Variants in CADPS observed in about 807,000 individuals in gnomAD.
The protein encoded by CADPS is calcium dependent secretion activator, also known as calcium-dependent secretion activator 1.
Under a neutral mutation model 167.3 loss-of-function variants are expected in CADPS, and 57 were observed. The observed-to-expected ratio is 0.34, with a 90% CI of 0.28 to 0.42. The LOEUF is 0.42. Ranked by LOEUF, CADPS falls within the 20% of genes least tolerant of loss-of-function variation. CADPS has a pLI of 1.00. For missense variants in CADPS, 1,414 were observed against 1,738.1 expected, an observed-to-expected ratio of 0.81 and a Z score of 3.32; for synonymous variants, 676 against 635.3, an observed-to-expected ratio of 1.06 and a Z score of -0.96.
intron 6 of CADPS, among the ~76,000 whole-genome samples, chr3:62,612,834 A>G (rs1444318870): frequency 6.6e-6 from 1 of 152,164 alleles, no homozygotes; most frequent in Non-Finnish European, 1.5e-5. Context: ...CCATTCATCC[A>G]TTCACCCACC....
chr3:62,537,856 C>A (rs2075006434), intron 11 of CADPS, among the ~76,000 whole-genome samples: 1 of 151,932 alleles, frequency 6.6e-6, no homozygotes, highest in African/African-American at 2.4e-5. Context: ...TCATTCAAAC[C>A]TAAATCCATG....
At chr3:62,591,867 A>T (rs1259926834) in intron 7 of CADPS, among the ~76,000 whole-genome samples, 1 of 152,158 alleles carries the variant, frequency 6.6e-6, no homozygotes, top group South Asian at 2.1e-4. Context: ...GAATGACATG[A>T]TGCTCCTTAG....
intron 6 of CADPS, among the ~76,000 whole-genome samples, chr3:62,632,344 T>C (rs753828164): frequency 9.2e-5 from 14 of 152,282 alleles, no homozygotes; most frequent in South Asian, 6.2e-4. Context: ...CAGAAAAACA[T>C]AAAATATTAT....
chr3:62,723,197 A>C (rs952358639), intron 3 of CADPS, among the ~76,000 whole-genome samples: 1 of 152,226 alleles, frequency 6.6e-6, no homozygotes, highest in African/African-American at 2.4e-5. Flanking sequence ...CCTTTAGCTA[A>C]GATGAAAAAC....
Position 62,481,845 on chromosome 3 carries a change from A to G in CADPS, c.3051T>C (p.Asn1017=), listed in dbSNP as rs1052794026. Residue 1017 remains asparagine (N), a synonymous_variant, in exon 22 of 30, where the codon AAT becomes AAC. Transcript: ENST00000383710. ...GAAGGTTCACATTGGGTAGGTTCACATTGGGTAGGTTACTGGTTAAACTCC... is the reference window on the plus strand; with the variant it reads ...GAAGGTTCACATTGGGTAGGTTCACGTTGGGTAGGTTACTGGTTAAACTCC... ...PVKSLTSNLP[N]VNLPNVNLPK... is the part of the protein sequence containing the mutation. 2 of 1,611,618 alleles carry G rather than the reference A, an allele frequency of 1.2e-6. No individual in the cohort carries two copies. The highest frequency in any genetic ancestry group is 1.7e-6 in the Non-Finnish European group (2 of 1,179,098).
intron 3 of CADPS, among the ~76,000 whole-genome samples, chr3:62,726,438 T>C (rs1161679736): frequency 1.3e-5 from 2 of 151,900 alleles, no homozygotes; most frequent in African/African-American, 4.9e-5. Flanking sequence ...TTGGACTGAA[T>C]GAAAACAACC....
rs541776478 is a variant in CADPS, at chr3:62,802,294, C to T, written c.442-36310G>A. The stretch of plus-strand genomic sequence containing the variant: ...TCTCATGAGTTTCTTGAAATATTGT[C>T]CAAAAATTCTGCACCTACAAAACCA... On this transcript the variant is annotated intron_variant, in intron 1 of 29. Coordinates refer to ENST00000383710, the MANE Select transcript of CADPS (RefSeq NM_003716.4). Among the ~76,000 whole-genome samples, 6 of 152,236 alleles carry T rather than the reference C, an allele frequency of 3.9e-5. No homozygotes were observed. The East Asian group carries it at 9.7e-4, about 25-fold the overall frequency.
At chr3:62,485,711 A>T (rs1379498865) in intron 21 of CADPS, among the ~76,000 whole-genome samples, 1 of 152,204 alleles carries the variant, frequency 6.6e-6, no homozygotes, top group Non-Finnish European at 1.5e-5. Flanking sequence ...CAATTAATCA[A>T]CAAACATTTA....
chr3:62,729,262 A>T lies in CADPS; in HGVS notation c.888+24179T>A, dbSNP rs539142. Among the ~76,000 whole-genome samples, 45 of 151,630 alleles carry T rather than the reference A, an allele frequency of 3.0e-4. 1 individual carries two copies. The highest frequency in any genetic ancestry group is 1.0e-3 in the African/African-American group (41 of 41,024). On this transcript the variant is annotated intron_variant, in intron 3 of 29. Transcript: ENST00000383710. ...TTTACTTGTTTCTCTGAGCATGATC[A>T]CCCTCATAATGGAATGACTAAGGGC...
At position 62,403,096 on chromosome 3, in the gene CADPS, T is replaced by G. The variant is rs746003346; in HGVS notation, c.3867A>C (p.Leu1289=). ...TTTCTTTTACCTTTACCATCCTAAT[T>G]AGTGTTTTCAACTGATAAATATGAA... ...LQLHIYQLKT[L]IRMVKKTYRD... Residue 1289 remains leucine, a synonymous_variant, in exon 29 of 30, where the codon CTA becomes CTC. Transcript: ENST00000383710. 6 of 1,600,786 alleles carry G rather than the reference T, an allele frequency of 3.7e-6. No individual in the cohort carries two copies. The highest frequency in any genetic ancestry group is 5.1e-6 in the Non-Finnish European group (6 of 1,168,218).
At chr3:62,792,437 C>T (rs1027148129) in intron 1 of CADPS, among the ~76,000 whole-genome samples, 4 of 151,944 alleles carry the variant, frequency 2.6e-5, no homozygotes, top group Non-Finnish European at 5.9e-5. Context: ...CTCCTGGGCT[C>T]AGGTAATGCT....
At chr3:62,507,299 A>T (rs1230103750) in intron 17 of CADPS, among the ~76,000 whole-genome samples, 1 of 152,066 alleles carries the variant, frequency 6.6e-6, no homozygotes. Flanking sequence ...TCTGCAATTC[A>T]TCAAAGACCC....
chr3:62,754,210 T>C (rs2083344228), intron 2 of CADPS, among the ~76,000 whole-genome samples: 1 of 152,232 alleles, frequency 6.6e-6, no homozygotes, highest in South Asian at 2.1e-4. Context: ...AGTCTTGCTC[T>C]GTCACCTAGG....
chr3:62,527,729 T>TGAAG (rs2072651992), intron 13 of CADPS, among the ~76,000 whole-genome samples: 1 of 152,192 alleles, frequency 6.6e-6, no homozygotes, highest in Non-Finnish European at 1.5e-5. Context: ...GTTCTGCCTC[T>TGAAG]GCCGGTGGAA....
At chr3:62,592,912 A>G (rs2086376987) in intron 6 of CADPS, among the ~76,000 whole-genome samples, 164 bp from the exon 7 acceptor site, 1 of 152,242 alleles carries the variant, frequency 6.6e-6, no homozygotes, top group Non-Finnish European at 1.5e-5. Flanking sequence ...CAAACGTGTT[A>G]ATTAACTTGT....
At chr3:62,605,834 G>A (rs1312214758) in intron 6 of CADPS, among the ~76,000 whole-genome samples, 1 of 152,212 alleles carries the variant, frequency 6.6e-6, no homozygotes, top group Non-Finnish European at 1.5e-5. Flanking sequence ...AGTAATCCAA[G>A]TGCCAGTACT....
intron 1 of CADPS, among the ~76,000 whole-genome samples, chr3:62,797,675 G>T (rs2093516219): frequency 6.6e-6 from 1 of 152,064 alleles, no homozygotes; most frequent in South Asian, 2.1e-4. Context: ...AGGGTGAAAG[G>T]TGGGAGGAGA....
chr3:62,620,818 C>T (rs1228450155), intron 6 of CADPS, among the ~76,000 whole-genome samples: 1 of 152,168 alleles, frequency 6.6e-6, no homozygotes, highest in East Asian at 1.9e-4. Flanking sequence ...CAGCCTGGTA[C>T]CTGTGACTGA....
intron 17 of CADPS, among the ~76,000 whole-genome samples, chr3:62,507,182 T>C (rs1470550641): frequency 6.6e-6 from 1 of 152,166 alleles, no homozygotes; most frequent in South Asian, 2.1e-4. Context: ...GGAGGGATGA[T>C]GAATAGAGGC....
Sources: gnomAD v4.1 joint callset for allele counts (sites outside exome capture counted in the v4.1 genomes callset) on GRCh38, gnomAD v4.1.1 for gene constraint, MANE v1.5 for transcripts, NCBI Gene and HGNC (gene_info 2026-07-23, HGNC 2026-07-21) for gene names.